Variants in PPP2R3A observed in about 807,000 individuals in gnomAD.
PPP2R3A encodes the protein protein phosphatase 2 regulatory subunit B''alpha, also known as serine/threonine-protein phosphatase 2A regulatory subunit B'' subunit alpha.
In PPP2R3A, 80 loss-of-function variants were observed where a neutral mutation model predicts 106.9. That is an observed-to-expected ratio of 0.75 (90% confidence interval 0.62 to 0.90). The LOEUF (loss-of-function observed/expected upper bound fraction) is 0.90, where lower values mean the gene tolerates loss of function less well. Among genes scored for constraint, PPP2R3A ranks in the 40% least tolerant of loss-of-function variants. The pLI is 0.00. For synonymous variants in PPP2R3A, 483 were observed against 468.3 expected, an observed-to-expected ratio of 1.03 and a Z score of -0.41; for missense variants, 1,386 against 1,350.4, an observed-to-expected ratio of 1.03 and a Z score of -0.41.
At chr3:136,076,613 AC>A (rs1300942791) in intron 6 of PPP2R3A, among the ~76,000 whole-genome samples, 2 of 152,030 alleles carry the variant, frequency 1.3e-5, no homozygotes, top group Non-Finnish European at 2.9e-5. Flanking sequence ...TAACTTTCAA[AC>A]CTCATTATTT....
chr3:136,005,777 C>A (rs1038070360), intron 2 of PPP2R3A, among the ~76,000 whole-genome samples: 3 of 152,114 alleles, frequency 2.0e-5, no homozygotes, highest in Admixed American at 1.3e-4. Context: ...CTAAGGCATA[C>A]TAAGACATTT....
intron 10 of PPP2R3A, among the ~76,000 whole-genome samples, chr3:136,095,173 T>C (rs769069800): frequency 2.0e-5 from 3 of 152,158 alleles, no homozygotes; most frequent in Non-Finnish European, 2.9e-5. Context: ...CTCAGTTTCC[T>C]CAGTGGAAGG....
intron 13 of PPP2R3A, among the ~76,000 whole-genome samples, chr3:136,118,775 T>G (rs113058746): frequency 0.033 from 5,013 of 152,178 alleles, 296 homozygotes; most frequent in African/African-American, 0.11. Context: ...GAATAAATAT[T>G]GTGAAAATGG....
intron 5 of PPP2R3A, among the ~76,000 whole-genome samples, chr3:136,066,400 A>G (rs767648796): frequency 2.0e-5 from 3 of 152,336 alleles, no homozygotes; most frequent in Admixed American, 6.5e-5. Flanking sequence ...TTACCAAACA[A>G]TATACCATGA....
At chr3:136,084,164 C>G (rs1936861713) in intron 8 of PPP2R3A, among the ~76,000 whole-genome samples, 1 of 152,212 alleles carries the variant, frequency 6.6e-6, no homozygotes, top group Non-Finnish European at 1.5e-5. Context: ...GCCTGGAGGC[C>G]TAGGAGGGAA....
chr3:135,976,757 A>G (rs1157521071), intron 1 of PPP2R3A, among the ~76,000 whole-genome samples: 3 of 152,064 alleles, frequency 2.0e-5, no homozygotes, highest in Non-Finnish European at 4.4e-5. Flanking sequence ...TAACTTTAAT[A>G]CTTCTTTTCT....
chr3:136,101,953 G>T (rs1937371005), intron 10 of PPP2R3A, 54 bp from the exon 11 acceptor site: 3 of 1,517,828 alleles, frequency 2.0e-6, no homozygotes, highest in South Asian at 2.5e-5. Flanking sequence ...ACTAAATCTG[G>T]ATAAATAAAA....
chr3:136,098,995 AT>A lies in PPP2R3A; in HGVS notation c.2928-3011del, dbSNP rs1388061960. Among the ~76,000 whole-genome samples, 9 of 152,318 alleles carry A rather than the reference AT, an allele frequency of 5.9e-5. No homozygotes were observed. The South Asian group carries it at 1.2e-3, about 21-fold the overall frequency. On this transcript the variant is annotated intron_variant, in intron 10 of 13. Transcript: ENST00000264977. ...AGCATTGGGCACAGTTGAGATGTGAATGTGATCTTGAAAACAGATAAAATGA... is the reference window on the plus strand; with the variant it reads ...AGCATTGGGCACAGTTGAGATGTGAAGTGATCTTGAAAACAGATAAAATGA...
At chr3:136,077,391 C>G (rs1182991744) in intron 6 of PPP2R3A, among the ~76,000 whole-genome samples, 1 of 152,154 alleles carries the variant, frequency 6.6e-6, no homozygotes, top group Non-Finnish European at 1.5e-5. Flanking sequence ...ATTTGTTCTT[C>G]TCGCACCAAA....
rs144355417 is a variant in PPP2R3A, at chr3:136,109,992, C to A, written c.3329+3670C>A. Among the ~76,000 whole-genome samples, 1,149 of 152,176 alleles carry A rather than the reference C, an allele frequency of 7.6e-3. 18 individuals are homozygous for A. The highest frequency in any genetic ancestry group is 0.026 in the African/African-American group (1,080 of 41,522). On this transcript the variant is annotated intron_variant, in intron 13 of 13. Transcript: ENST00000264977. ...TAGGTCAACTCCTGTATATCCCACCCTACCCCTAAAGGAAAGACAAAAGCC... is the reference window on the plus strand; with the variant it reads ...TAGGTCAACTCCTGTATATCCCACCATACCCCTAAAGGAAAGACAAAAGCC...
At chr3:136,071,257 C>A (rs945060726) in intron 6 of PPP2R3A, among the ~76,000 whole-genome samples, 1 of 152,232 alleles carries the variant, frequency 6.6e-6, no homozygotes, top group African/African-American at 2.4e-5. Flanking sequence ...CTAAACAGGG[C>A]CGTCTCCTCT....
intron 3 of PPP2R3A, among the ~76,000 whole-genome samples, chr3:136,037,602 T>A (rs1576452806): frequency 1.3e-5 from 2 of 152,346 alleles, no homozygotes; most frequent in Middle Eastern, 6.8e-3. Flanking sequence ...CCTGAATTTC[T>A]TCATCTGTAA....
chr3:136,140,453 A>AAAAACAAAC lies in PPP2R3A; in HGVS notation c.3330-4586_3330-4585insCAAACAAAA, dbSNP rs1553761400. ...AGAGTGAGACTCTTTAAAAAAAAAA[A>AAAAACAAAC]AAAAAAAAAAACCCGGGCTCAGTGG... On this transcript the variant is annotated intron_variant, in intron 13 of 13. Coordinates refer to ENST00000264977, the MANE Select transcript of PPP2R3A (RefSeq NM_002718.5). Among the ~76,000 whole-genome samples, 251 of 149,864 alleles carry AAAAACAAAC rather than the reference A, an allele frequency of 1.7e-3. 1 individual carries two copies. The highest frequency in any genetic ancestry group is 6.1e-3 in the African/African-American group (242 of 39,882).
At chr3:135,966,531 C>T (rs1937092073) in intron 1 of PPP2R3A, among the ~76,000 whole-genome samples, 1 of 152,182 alleles carries the variant, frequency 6.6e-6, no homozygotes, top group Non-Finnish European at 1.5e-5. Flanking sequence ...GGGCGTTCTC[C>T]TGGGGGACCT....
chr3:136,057,341 G>A (rs1935904676), intron 5 of PPP2R3A, among the ~76,000 whole-genome samples: 1 of 152,124 alleles, frequency 6.6e-6, no homozygotes, highest in African/African-American at 2.4e-5. Context: ...AAAAAAGAAT[G>A]AAATCCTGTC....
chr3:135,997,270 T>C (rs1211591878), intron 1 of PPP2R3A, among the ~76,000 whole-genome samples: 1 of 152,230 alleles, frequency 6.6e-6, no homozygotes, highest in Non-Finnish European at 1.5e-5. Flanking sequence ...TATTGGCAAA[T>C]CCAGTTTTTT....
intron 5 of PPP2R3A, among the ~76,000 whole-genome samples, chr3:136,054,856 C>G (rs1415355095): frequency 6.6e-6 from 1 of 152,156 alleles, no homozygotes; most frequent in African/African-American, 2.4e-5. Flanking sequence ...TCTCAATTTC[C>G]TGTTTGCAAA....
intron 5 of PPP2R3A, among the ~76,000 whole-genome samples, chr3:136,064,216 A>G (rs1490979552): frequency 3.6e-5 from 5 of 139,836 alleles, no homozygotes; most frequent in African/African-American, 8.0e-5. Context: ...GAATTGAACA[A>G]TGAGAACACA....
At chr3:136,093,592 G>T (rs928378720) in intron 10 of PPP2R3A, among the ~76,000 whole-genome samples, 3 of 152,002 alleles carry the variant, frequency 2.0e-5, no homozygotes, top group Admixed American at 1.3e-4. Flanking sequence ...ATGGACAAAG[G>T]ATCTGATTAG....
Sources: allele counts gnomAD v4.1 joint callset (sites outside exome capture counted in the v4.1 genomes callset), GRCh38; gene constraint gnomAD v4.1.1; transcripts MANE v1.5; gene names NCBI Gene and HGNC (gene_info 2026-07-23, HGNC 2026-07-21).